TSNAXIP1: variants seen among roughly 807,000 people sequenced by gnomAD.
TSNAXIP1 encodes translin associated factor X interacting protein 1.
Under a neutral mutation model 84.8 loss-of-function variants are expected in TSNAXIP1, and 89 were observed. That is an observed-to-expected ratio of 1.05 (90% CI 0.88 to 1.25). The LOEUF is 1.25. Among genes scored for constraint, TSNAXIP1 ranks in the 50% most tolerant of loss-of-function variants. TSNAXIP1 has a pLI of 0.00. For synonymous variants in TSNAXIP1, 347 were observed against 335.2 expected, an observed-to-expected ratio of 1.04 and a Z score of -0.39; for missense variants, 874 against 887.6, an observed-to-expected ratio of 0.98 and a Z score of 0.20.
rs376340140 is a variant in TSNAXIP1 at position 67,828,032 on chromosome 16, C to A, written c.*39C>A. On this transcript the variant is annotated 3_prime_UTR_variant, in exon 16 of 16. Coordinates refer to ENST00000561639, the MANE Select transcript of TSNAXIP1 (RefSeq NM_001288990.3). The stretch of plus-strand genomic sequence containing the variant: ...GCCTGCGTACTCCAGTCCTGCTAAC[C>A]CCTAGCTTTTAATATAAAAGTGTTT... 17 of 1,601,788 alleles carry A rather than the reference C, an allele frequency of 1.1e-5. No individual in the cohort carries two copies. The East Asian group carries it at 3.4e-4, about 32-fold the overall frequency.
At position 67,825,164 on chromosome 16, in the gene TSNAXIP1, G is replaced by A. The variant is rs1239261697; in HGVS notation, c.706G>A (p.Glu236Lys). The A allele has an allele frequency of 3.1e-6, 5 of 1,614,144 alleles. No individual in the cohort carries two copies. In the South Asian group the frequency reaches 5.5e-5, roughly 18 times the overall value. Residue 236 changes from glutamate (E) to lysine (K), a missense_variant, in exon 7 of 16, where the codon GAG becomes AAG. Physicochemically the swap from Glu to Lys is moderately conservative, Grantham distance 56. Transcript: ENST00000561639. ...GACCAAACTGAGGAAGAACTTGGCT[G>A]AGGAGTACCTGCACTACCTCAGTGA... ...EVTKLRKNLA[E>K]EYLHYLSERD...
intron 5 of TSNAXIP1, among the ~76,000 whole-genome samples, chr16:67,824,330 G>C (rs2057284932): frequency 6.6e-6 from 1 of 152,204 alleles, no homozygotes; most frequent in South Asian, 2.1e-4. Context: ...GAGGTGCAGG[G>C]CATGGTGCAG....
intron 1 of TSNAXIP1, among the ~76,000 whole-genome samples, chr16:67,811,432 T>C (rs1007974919): frequency 2.7e-5 from 4 of 148,752 alleles, no homozygotes; most frequent in African/African-American, 1.0e-4. Flanking sequence ...GAGAATTGAT[T>C]AGTCTTTTTT....
In TSNAXIP1 at chr16:67,821,190, C is replaced by T. The variant is rs200387250; in HGVS notation, c.352C>T (p.Leu118=). ...ACGCAAGGAGCTCCTCCTGCTGGAC[C>T]TGGGCACAGATTCCACCCAGGAACT... is the stretch of plus-strand genomic sequence containing the variant. ...YLRKELLLLD[L]GTDSTQELRL... Residue 118 remains leucine, a synonymous_variant, in exon 4 of 16, where the codon CTG becomes TTG. Transcript: ENST00000561639. The T allele has an allele frequency of 2.7e-4, 419 of 1,536,350 alleles. No individual in the cohort carries two copies. The highest frequency in any genetic ancestry group is 3.5e-4 in the Non-Finnish European group (392 of 1,132,584).
chr16:67,827,043 C>A lies in TSNAXIP1; in HGVS notation c.1635C>A (p.Asn545Lys), dbSNP rs145202002. The change falls in exon 13 of 16, where the codon AAC becomes AAA. Residue 545 changes from asparagine (N) to lysine (K), a missense_variant. Coordinates refer to ENST00000561639, the MANE Select transcript of TSNAXIP1 (RefSeq NM_001288990.3). The part of the protein sequence containing the change: ...LKEMTNADSQ[N>K]EGLLTMEQFN... ...AGATGACAAATGCTGACAGTCAGAA[C>A]GAGGGGCTACTAACCATGGAGCAGT... 3.7e-5 allele frequency: 60 copies of A among 1,614,126 alleles called. No homozygotes were observed. The African/African-American group carries it at 6.9e-4, about 19-fold the overall frequency.
At chr16:67,823,478 G>C (rs2057214719) in intron 4 of TSNAXIP1, 148 bp from the exon 5 acceptor site, 1 of 552,958 alleles carries the variant, frequency 1.8e-6, no homozygotes, top group Admixed American at 2.9e-5. Context: ...GGGAGGCAGA[G>C]GTTGCAGTGA....
At chr16:67,826,387 G>C in intron 10 of TSNAXIP1, 50 bp from the exon 11 acceptor site, 1 of 1,609,718 alleles carries the variant, frequency 6.2e-7, no homozygotes, top group South Asian at 1.1e-5. Flanking sequence ...CCCTGATTGG[G>C]GGTGGGGCCA....
At chr16:67,807,425 A>C in intron 1 of TSNAXIP1, 1 of 1,490,614 alleles carries the variant, frequency 6.7e-7, no homozygotes, top group Non-Finnish European at 9.0e-7. Context: ...ACCAGCTTGT[A>C]TTGAATGTAC....
At chr16:67,815,409 C>T (rs1244809112) in intron 2 of TSNAXIP1, among the ~76,000 whole-genome samples, 1 of 140,428 alleles carries the variant, frequency 7.1e-6, no homozygotes, top group Non-Finnish European at 1.5e-5. Flanking sequence ...AGTTATGGCT[C>T]GCTGCAGTCT....
intron 2 of TSNAXIP1, among the ~76,000 whole-genome samples, chr16:67,818,632 A>G (rs1410019562): frequency 1.3e-5 from 2 of 152,058 alleles, no homozygotes; most frequent in African/African-American, 4.8e-5. Flanking sequence ...TTGGGAGGAC[A>G]AGGTAGGAGG....
Position 67,821,195 on chromosome 16 carries a change from C to T in TSNAXIP1, c.357C>T (p.Gly119=). ...AGGAGCTCCTCCTGCTGGACCTGGGCACAGATTCCACCCAGGAACTAAGGC... is the reference window on the plus strand; with the variant it reads ...AGGAGCTCCTCCTGCTGGACCTGGGTACAGATTCCACCCAGGAACTAAGGC... ...LRKELLLLDL[G]TDSTQELRLQ... Residue 119 remains glycine (G), a synonymous_variant, in exon 4 of 16, where the codon GGC becomes GGT. Transcript: ENST00000561639. 6.5e-7 allele frequency: 1 copy of T among 1,535,718 alleles called. No individual in the cohort carries two copies. Among genetic ancestry groups the T allele is most frequent in the Non-Finnish European group, 8.8e-7 (1 of 1,131,144 alleles).
At chr16:67,810,570 G>A (rs2055962728) in intron 1 of TSNAXIP1, among the ~76,000 whole-genome samples, 1 of 151,810 alleles carries the variant, frequency 6.6e-6, no homozygotes, top group African/African-American at 2.4e-5. Flanking sequence ...AGTGAGCCGA[G>A]GTCATGCTAC....
intron 4 of TSNAXIP1, among the ~76,000 whole-genome samples, chr16:67,821,807 T>C (rs1173262529): frequency 6.6e-6 from 1 of 151,210 alleles, no homozygotes; most frequent in East Asian, 2.0e-4. Flanking sequence ...CTGGTCAACA[T>C]GGTGAAACCC....
At chr16:67,807,576 T>C in intron 1 of TSNAXIP1, 1 of 372,396 alleles carries the variant, frequency 2.7e-6, no homozygotes, top group Non-Finnish European at 5.0e-6. Flanking sequence ...GCGATCCTTC[T>C]ACCTCAGCCT....
intron 1 of TSNAXIP1, chr16:67,807,884 G>C (rs1164050937): frequency 6.5e-6 from 1 of 154,454 alleles, no homozygotes; most frequent in Non-Finnish European, 1.4e-5. Context: ...CCTCTGGGTA[G>C]CTTCTGCCTG....
intron 1 of TSNAXIP1, among the ~76,000 whole-genome samples, chr16:67,812,899 C>T (rs2056221426): frequency 6.6e-6 from 1 of 152,104 alleles, no homozygotes; most frequent in Non-Finnish European, 1.5e-5. Flanking sequence ...GCATGAGCTA[C>T]CACGCCCAGA....
chr16:67,807,293 T>G (rs1264818968), intron 1 of TSNAXIP1, 97 bp downstream of exon 1: 1 of 1,534,938 alleles, frequency 6.5e-7, no homozygotes, highest in Admixed American at 2.0e-5. Flanking sequence ...CCTGCTGGCC[T>G]CTGACCATTG....
chr16:67,820,114 G>A (rs905899029), intron 2 of TSNAXIP1, among the ~76,000 whole-genome samples: 1 of 151,264 alleles, frequency 6.6e-6, no homozygotes, highest in African/African-American at 2.4e-5. Flanking sequence ...CACCATGCCC[G>A]GCCTAATTTT....
In TSNAXIP1 at chr16:67,827,948, T is replaced by G. The variant is rs1350862853; in HGVS notation, c.2094T>G (p.Ile698Met). 1 of 1,613,688 alleles carries G rather than the reference T, an allele frequency of 6.2e-7. No homozygotes were observed. Among genetic ancestry groups the G allele is most frequent in the East Asian group, 2.2e-5 (1 of 44,874 alleles). ...CTGCCCTGGAGCGGCTTCAGGTGAT[T>G]GACATCAGGCGTGTGGGACCTCGAG... is the stretch of plus-strand genomic sequence containing the variant. ...LQTALERLQVIDIRRVGPREP... is the reference protein window; with the variant it reads ...LQTALERLQVMDIRRVGPREP... Residue 698 changes from isoleucine to methionine, a missense_variant, in exon 16 of 16, where the codon ATT (isoleucine) becomes ATG (methionine). Coordinates refer to ENST00000561639, the MANE Select transcript of TSNAXIP1 (RefSeq NM_001288990.3).
Sources: gnomAD v4.1 joint callset for allele counts (sites outside exome capture counted in the v4.1 genomes callset) on GRCh38, gnomAD v4.1.1 for gene constraint, MANE v1.5 for transcripts, NCBI Gene and HGNC (gene_info 2026-07-23, HGNC 2026-07-21) for gene names.